SLC36A3: variants seen among roughly 807,000 people sequenced by gnomAD.
SLC36A3 encodes proton-coupled amino acid transporter 3.
In SLC36A3, 35 loss-of-function variants were observed where a neutral mutation model predicts 44.3. The observed-to-expected ratio is 0.79, with a 90% CI of 0.60 to 1.05. The LOEUF is 1.05. Among genes scored for constraint, SLC36A3 ranks in the 50% least tolerant of loss-of-function variants. The pLI is 0.00. For missense variants in SLC36A3, 540 were observed against 578.7 expected (o/e 0.93, Z 0.69); for synonymous variants, 211 against 227.6 (o/e 0.93, Z 0.66).
intron 4 of SLC36A3, among the ~76,000 whole-genome samples, chr5:151,291,130 G>T (rs934999332): frequency 4.6e-5 from 7 of 151,852 alleles, no homozygotes; most frequent in Admixed American, 2.0e-4. Flanking sequence ...CCACAGGTGT[G>T]TGCTACCAGG....
chr5:151,285,759 G>C (rs1754512665), intron 6 of SLC36A3, among the ~76,000 whole-genome samples: 1 of 152,158 alleles, frequency 6.6e-6, no homozygotes, highest in Non-Finnish European at 1.5e-5. Flanking sequence ...AGTCAGAAGG[G>C]GAAGATCAGA....
intron 6 of SLC36A3, among the ~76,000 whole-genome samples, 170 bp downstream of exon 6, chr5:151,287,076 G>A (rs1203012900): frequency 3.3e-5 from 5 of 152,156 alleles, no homozygotes; most frequent in Non-Finnish European, 7.3e-5. Flanking sequence ...ATAATAATTA[G>A]CTTTTACAAC....
rs1354745861 is a variant in SLC36A3, at chr5:151,284,692, T to C, written c.728A>G (p.Asn243Ser). The stretch of plus-strand genomic sequence containing the variant: ...CTTCCAGTTTGCCATCAAGGGTAGG[T>C]TGCTGGGATATGGAATCCCCTAAAA... The part of the protein sequence containing the change: ...YIMEGIPYPS[N>S]LPLMANWKTF... The change falls in exon 7 of 10, where the codon AAC becomes AGC. Residue 243 changes from asparagine (N) to serine (S), a missense_variant. Transcript: ENST00000335230. 3 of 1,612,960 alleles carry C rather than the reference T, an allele frequency of 1.9e-6. No homozygotes were observed. Among genetic ancestry groups the C allele is most frequent in the Non-Finnish European group, 2.5e-6 (3 of 1,179,354 alleles).
At chr5:151,284,980 CT>C (rs536753664) in intron 6 of SLC36A3, among the ~76,000 whole-genome samples, 68 of 152,286 alleles carry the variant, frequency 4.5e-4, no homozygotes, top group African/African-American at 1.5e-3. Context: ...TCCATCACCC[CT>C]ATCCATCTCC....
chr5:151,288,540 C>G, intron 4 of SLC36A3, 70 bp from the exon 5 acceptor site: 1 of 1,125,550 alleles, frequency 8.9e-7, no homozygotes, highest in South Asian at 1.8e-5. Context: ...AGAATGTTTA[C>G]TATTTGAAAC....
In SLC36A3 at chr5:151,292,894, G is replaced by C. The variant is rs138768540; in HGVS notation, c.404+470C>G. 6.6e-3 allele frequency among the ~76,000 whole-genome samples: 1,010 copies of C among 152,290 alleles called. 8 individuals carry two copies. Among genetic ancestry groups the C allele is most frequent in the African/African-American group, 0.023 (974 of 41,546 alleles). ...AGCTACTCAGGAGGCTGAGGAAGGAGAGCTGCTTGAACCCAGGAGGCGGAG... is the reference window on the plus strand; with the variant it reads ...AGCTACTCAGGAGGCTGAGGAAGGACAGCTGCTTGAACCCAGGAGGCGGAG... On this transcript the variant is annotated intron_variant, in intron 4 of 9. Transcript: ENST00000335230.
intron 1 of SLC36A3, among the ~76,000 whole-genome samples, chr5:151,299,262 C>CTATATATA (rs1483618702): frequency 4.7e-4 from 30 of 64,436 alleles, no homozygotes; most frequent in African/African-American, 1.1e-3. Context: ...CTCTCTCTCT[C>CTATATATA]TCTATATATA....
At chr5:151,283,846 T>C (rs1580807966) in intron 8 of SLC36A3, among the ~76,000 whole-genome samples, 198 bp downstream of exon 8, 1 of 152,248 alleles carries the variant, frequency 6.6e-6, no homozygotes, top group East Asian at 1.9e-4. Context: ...CATGGCAGAA[T>C]TGCACTTCCC....
intron 9 of SLC36A3, among the ~76,000 whole-genome samples, chr5:151,279,145 C>T (rs1361290443): frequency 2.6e-5 from 4 of 151,486 alleles, no homozygotes; most frequent in Admixed American, 2.6e-4. Flanking sequence ...CGTCTATTTG[C>T]TACTTATTTA....
chr5:151,282,883 TTTC>T (rs1209903794), intron 8 of SLC36A3, among the ~76,000 whole-genome samples: 1 of 118,360 alleles, frequency 8.4e-6, no homozygotes, highest in African/African-American at 3.8e-5. Context: ...TCTTTCTTTC[TTTC>T]TTTTTTTTTT....
At chr5:151,292,266 T>C (rs960919178) in intron 4 of SLC36A3, among the ~76,000 whole-genome samples, 6 of 152,220 alleles carry the variant, frequency 3.9e-5, no homozygotes, top group African/African-American at 1.4e-4. Context: ...CTCTTTCTCA[T>C]GACCTCATCT....
In SLC36A3 at chr5:151,277,188, A is replaced by G; in HGVS notation, c.*205T>C. ...TCTAATTTTGGTTCAGAGGTACAAA[A>G]GGCCATCCAAAAAATATAAAACCAA... On this transcript the variant is annotated 3_prime_UTR_variant, in exon 10 of 10. Transcript: ENST00000335230. 1.5e-6 allele frequency: 1 copy of G among 659,262 alleles called. No homozygotes were observed. The highest frequency in any genetic ancestry group is 2.5e-6 in the Non-Finnish European group (1 of 403,164). The allele number at this position is 659,262 out of a possible 1,614,324, so 40.8% of individuals were successfully genotyped here. A position where few individuals can be genotyped will look rare whatever the true frequency, so the allele number is the denominator to read the frequency against.
intron 2 of SLC36A3, chr5:151,296,820 T>C (rs1754977879): frequency 6.4e-6 from 1 of 155,826 alleles, no homozygotes; most frequent in South Asian, 2.0e-4. Flanking sequence ...CAACCAAAAA[T>C]GTCTGTAGAG....
chr5:151,290,368 C>A (rs1011658263), intron 4 of SLC36A3, among the ~76,000 whole-genome samples: 4 of 152,226 alleles, frequency 2.6e-5, no homozygotes, highest in Admixed American at 1.3e-4. Flanking sequence ...AGAATAATAT[C>A]TTTTTCTGTC....
At chr5:151,286,519 T>G (rs1384689771) in intron 6 of SLC36A3, among the ~76,000 whole-genome samples, 1 of 152,200 alleles carries the variant, frequency 6.6e-6, no homozygotes, top group Non-Finnish European at 1.5e-5. Context: ...CTTGAACTCC[T>G]GGGCTTAAGC....
At chr5:151,284,779 G>T in intron 6 of SLC36A3, 68 bp from the exon 7 acceptor site, 1 of 1,260,052 alleles carries the variant, frequency 7.9e-7, no homozygotes, top group Non-Finnish European at 1.1e-6. Context: ...TCTTTGCCTG[G>T]TAGAAAGCTG....
At chr5:151,287,526 A>C in intron 5 of SLC36A3, 62 bp from the exon 6 acceptor site, 1 of 1,492,114 alleles carries the variant, frequency 6.7e-7, no homozygotes, top group Non-Finnish European at 9.2e-7. Context: ...CACCAATTAC[A>C]TTTGAATTTC....
At chr5:151,277,767 T>C in intron 9 of SLC36A3, 106 bp from the exon 10 acceptor site, 1 of 1,407,468 alleles carries the variant, frequency 7.1e-7, no homozygotes, top group Non-Finnish European at 9.6e-7. Context: ...TTTGGAGAGG[T>C]GGGAGGGAGC....
At chr5:151,302,194 A>G (rs1053110225) in intron 1 of SLC36A3, among the ~76,000 whole-genome samples, 15 of 152,246 alleles carry the variant, frequency 9.9e-5, no homozygotes, top group African/African-American at 3.6e-4. Context: ...TTTTATACAA[A>G]TGACATTTTA....
Sources: allele counts gnomAD v4.1 joint callset (sites outside exome capture counted in the v4.1 genomes callset), GRCh38; gene constraint gnomAD v4.1.1; transcripts MANE v1.5; gene names NCBI Gene and HGNC (gene_info 2026-07-23, HGNC 2026-07-21).